Variants in OSBPL10 observed in about 807,000 individuals in gnomAD.
OSBPL10 encodes oxysterol-binding protein-related protein 10.
A neutral mutation model predicts 81.7 loss-of-function variants in OSBPL10; 49 were observed. The observed-to-expected ratio is 0.60, with a 90% CI of 0.48 to 0.76. The LOEUF (loss-of-function observed/expected upper bound fraction) is 0.76. Among genes scored for constraint, OSBPL10 ranks in the 30% least tolerant of loss-of-function variants. The probability of loss-of-function intolerance (pLI) is 0.00; values close to 1 mark genes in which losing one functional copy is unlikely to be tolerated. For missense variants in OSBPL10, 923 were observed against 987.8 expected (o/e 0.93, Z 0.88); for synonymous variants, 419 against 383.6 (o/e 1.09, Z -1.08).
intron 2 of OSBPL10, among the ~76,000 whole-genome samples, chr3:32,001,824 A>G (rs1447666036): frequency 6.6e-6 from 1 of 152,100 alleles, no homozygotes; most frequent in Non-Finnish European, 1.5e-5. Context: ...CCCCAGGACA[A>G]TGGCCCCACT....
chr3:32,009,242 A>G (rs1017112997), intron 2 of OSBPL10, among the ~76,000 whole-genome samples: 9 of 152,192 alleles, frequency 5.9e-5, no homozygotes, highest in African/African-American at 2.2e-4. Flanking sequence ...GAAGGTCTGT[A>G]GTTGTCCTCT....
intron 3 of OSBPL10, among the ~76,000 whole-genome samples, chr3:31,840,279 C>T (rs1271900342): frequency 1.3e-5 from 2 of 152,118 alleles, no homozygotes; most frequent in Non-Finnish European, 2.9e-5. Flanking sequence ...ATTCTGAGAA[C>T]ATTTCAAGAA....
intron 1 of OSBPL10, among the ~76,000 whole-genome samples, chr3:31,913,211 G>A (rs565737568): frequency 2.0e-5 from 3 of 151,500 alleles, no homozygotes; most frequent in Non-Finnish European, 4.4e-5. Context: ...AAGTGTAAAT[G>A]GACACAGAAG....
chr3:31,990,872 A>T, intron 2 of OSBPL10: 1 of 1,576,942 alleles, frequency 6.3e-7, no homozygotes, highest in Non-Finnish European at 8.6e-7. Context: ...AAGTGTGATG[A>T]TTGTGGCAAA....
At chr3:31,980,295 C>G (rs867587486) in intron 1 of OSBPL10, among the ~76,000 whole-genome samples, 4 of 152,208 alleles carry the variant, frequency 2.6e-5, no homozygotes, top group South Asian at 4.1e-4. Flanking sequence ...AGCCACCGCG[C>G]CCGGCCTCTT....
intron 3 of OSBPL10, among the ~76,000 whole-genome samples, chr3:31,840,749 G>A (rs1258172930): frequency 6.6e-6 from 1 of 152,164 alleles, no homozygotes; most frequent in Non-Finnish European, 1.5e-5. Flanking sequence ...CTTTTCTCCT[G>A]TGCTTTTTAT....
chr3:32,015,966 G>A (rs1300901372), intron 2 of OSBPL10, among the ~76,000 whole-genome samples: 4 of 152,190 alleles, frequency 2.6e-5, no homozygotes, highest in Non-Finnish European at 2.9e-5. Flanking sequence ...GAGAGGATGT[G>A]GAGAAATAGG....
intron 1 of OSBPL10, among the ~76,000 whole-genome samples, chr3:31,942,193 T>G (rs1206667481): frequency 6.6e-6 from 1 of 152,000 alleles, no homozygotes; most frequent in Non-Finnish European, 1.5e-5. Flanking sequence ...AACAATGGCG[T>G]GAACCTGGGA....
chr3:31,776,945 T>A (rs1165096923), intron 4 of OSBPL10, among the ~76,000 whole-genome samples: 1 of 152,200 alleles, frequency 6.6e-6, no homozygotes, highest in Non-Finnish European at 1.5e-5. Flanking sequence ...TTAGGGAATT[T>A]CACCTCAATA....
At chr3:31,802,742 G>A (rs550933675) in intron 4 of OSBPL10, among the ~76,000 whole-genome samples, 2 of 151,978 alleles carry the variant, frequency 1.3e-5, no homozygotes, top group African/African-American at 2.4e-5. Flanking sequence ...TCCTGCAAAC[G>A]GATCCTGAAT....
chr3:31,735,813 G>A (rs1575509777), intron 5 of OSBPL10, among the ~76,000 whole-genome samples: 2 of 152,072 alleles, frequency 1.3e-5, no homozygotes, highest in Non-Finnish European at 2.9e-5. Context: ...GCCATTTGCT[G>A]TCTTCCTGGG....
intron 5 of OSBPL10, among the ~76,000 whole-genome samples, chr3:31,743,086 G>A (rs1697407429): frequency 7.3e-6 from 1 of 136,924 alleles, no homozygotes; most frequent in Non-Finnish European, 1.5e-5. Context: ...TGTCCCCCAG[G>A]CTGGAACGCA....
chr3:31,782,917 T>C (rs995543896), intron 4 of OSBPL10, among the ~76,000 whole-genome samples: 5 of 151,988 alleles, frequency 3.3e-5, no homozygotes, highest in Non-Finnish European at 1.5e-5. Flanking sequence ...TACCATTTGA[T>C]CCAGCAATGC....
At chr3:31,812,051 G>A (rs1177240158) in intron 4 of OSBPL10, among the ~76,000 whole-genome samples, 1 of 152,128 alleles carries the variant, frequency 6.6e-6, no homozygotes, top group Non-Finnish European at 1.5e-5. Flanking sequence ...TTTTGAGACA[G>A]AGTCTTGCTC....
At chr3:31,880,375 A>C (rs1430827276) in intron 1 of OSBPL10, among the ~76,000 whole-genome samples, 2 of 152,228 alleles carry the variant, frequency 1.3e-5, no homozygotes, top group Non-Finnish European at 2.9e-5. Context: ...TAGCAGGCCC[A>C]TTCACACGAA....
chr3:31,668,680 C>G lies in OSBPL10; in HGVS notation c.2058G>C (p.Lys686Asn). 3.1e-6 allele frequency: 5 copies of G among 1,613,946 alleles called. No homozygotes were observed. Among genetic ancestry groups the G allele is most frequent in the Non-Finnish European group, 4.2e-6 (5 of 1,179,898 alleles). ...GTCCCTGCTTCTCAAGAGGTCTGAT[C>G]TTCTTGGGATACACTGGCAGTGTGG... ...DTTTLPVYPKKIRPLEKQGPM... is the reference protein window; with the variant it reads ...DTTTLPVYPKNIRPLEKQGPM... Residue 686 changes from lysine (K) to asparagine (N), a missense_variant, in exon 10 of 12, where the codon AAG becomes AAC. Around this residue, in one of 3 missense-constraint regions of OSBPL10, gnomAD observed 387 missense variants for 436.3 expected, o/e 0.89. Coordinates refer to ENST00000396556, the MANE Select transcript of OSBPL10 (RefSeq NM_017784.5).
Position 31,981,224 on chromosome 3 carries a change from C to A in OSBPL10, c.-45G>T. ...CGCGGGTGCCCGCCGCGGTGGCGGC[C>A]CCGGCACGGCGGCTGCTGCTGCTGC... On this transcript the variant is annotated 5_prime_UTR_variant, in exon 1 of 12. Coordinates refer to ENST00000396556, the MANE Select transcript of OSBPL10 (RefSeq NM_017784.5). This position sits in a 1 kb window ranked among gnomAD's most constrained non-coding sequence, Gnocchi z 4.5. The A allele has an allele frequency of 1.5e-6, 2 of 1,346,440 alleles. No individual in the cohort carries two copies. Among genetic ancestry groups the A allele is most frequent in the Non-Finnish European group, 1.9e-6 (2 of 1,057,600 alleles). 83.4% of individuals were successfully genotyped at this position (1,346,440 alleles called of 1,614,324 possible).
At chr3:31,893,804 C>G (rs571800133) in intron 1 of OSBPL10, among the ~76,000 whole-genome samples, 1 of 152,210 alleles carries the variant, frequency 6.6e-6, no homozygotes, top group African/African-American at 2.4e-5. Flanking sequence ...CAAAGGGAAA[C>G]AGAGAGACAA....
At chr3:31,743,775 GA>G (rs1260472831) in intron 5 of OSBPL10, among the ~76,000 whole-genome samples, 4 of 152,190 alleles carry the variant, frequency 2.6e-5, no homozygotes, top group Non-Finnish European at 5.9e-5. Context: ...ATCGAACACT[GA>G]AATGAAACCA....
Sources: allele counts gnomAD v4.1 joint callset (sites outside exome capture counted in the v4.1 genomes callset), GRCh38; gene constraint gnomAD v4.1.1; regional missense constraint gnomAD v4.1.1; non-coding constraint Gnocchi (gnomAD v3.1); transcripts MANE v1.5; gene names NCBI Gene and HGNC (gene_info 2026-07-23, HGNC 2026-07-21).